IQSEC1: variants seen among roughly 807,000 people sequenced by gnomAD.
The protein encoded by IQSEC1 is IQ motif and SEC7 domain-containing protein 1.
Under a neutral mutation model 91.0 loss-of-function variants are expected in IQSEC1, and 31 were observed. That is an observed-to-expected ratio of 0.34 (90% CI 0.26 to 0.46). IQSEC1 has a LOEUF of 0.46. IQSEC1 is among the 20% of genes least tolerant of loss of function. The pLI is 1.00. For synonymous variants in IQSEC1, 699 were observed against 662.6 expected, an observed-to-expected ratio of 1.05 and a Z score of -0.84; for missense variants, 1,388 against 1,575.6, an observed-to-expected ratio of 0.88 and a Z score of 2.02.
intron 1 of IQSEC1, among the ~76,000 whole-genome samples, chr3:13,175,942 T>C (rs1693719829): frequency 6.6e-6 from 1 of 152,332 alleles, no homozygotes; most frequent in South Asian, 2.1e-4. Context: ...GGTAATTAGC[T>C]TGCAATTTAC....
chr3:13,244,856 G>A (rs1695081846), intron 1 of IQSEC1, among the ~76,000 whole-genome samples: 1 of 152,108 alleles, frequency 6.6e-6, no homozygotes, highest in South Asian at 2.1e-4. Flanking sequence ...CAGGCACCGT[G>A]GCACCAGCCA....
Position 13,252,109 on chromosome 3 carries a change from T to C in IQSEC1, c.272+30602A>G, listed in dbSNP as rs145906075. 5.9e-5 allele frequency among the ~76,000 whole-genome samples: 9 copies of C among 152,342 alleles called. No homozygotes were observed. The East Asian group carries it at 1.2e-3, about 20-fold the overall frequency. On this transcript the variant is annotated intron_variant, in intron 1 of 15. Coordinates refer to the IQSEC1 transcript ENST00000648114. ...CAGTTCAGTGGACTAAGTACATTCA[T>C]AGTGCTGTGCAGCCATCACTACCAT...
At chr3:12,955,907 T>TAGAG (rs200037823) in intron 1 of IQSEC1, among the ~76,000 whole-genome samples, 3,210 of 152,216 alleles carry the variant, frequency 0.021, 117 homozygotes, top group African/African-American at 0.074. Flanking sequence ...AGGTCTCCAA[T>TAGAG]AGAGACTGGC....
At chr3:13,275,740 C>T (rs1258531734) in intron 1 of IQSEC1, among the ~76,000 whole-genome samples, 4 of 152,356 alleles carry the variant, frequency 2.6e-5, no homozygotes, top group Non-Finnish European at 4.4e-5. Context: ...TCTCCATCTC[C>T]TATTTGCATG....
At chr3:13,011,842 C>T (rs1702896778) in intron 1 of IQSEC1, among the ~76,000 whole-genome samples, 1 of 152,192 alleles carries the variant, frequency 6.6e-6, no homozygotes, top group Non-Finnish European at 1.5e-5. Flanking sequence ...GTGACTTCCC[C>T]ATCTATCCCT....
intron 1 of IQSEC1, among the ~76,000 whole-genome samples, chr3:13,044,471 C>T (rs1704413157): frequency 6.6e-6 from 1 of 152,208 alleles, no homozygotes; most frequent in South Asian, 2.1e-4. Context: ...ATGGCTGGGT[C>T]CAAGCCTCTT....
intron 2 of IQSEC1, among the ~76,000 whole-genome samples, chr3:13,095,506 C>T (rs1305596594): frequency 6.6e-6 from 1 of 152,132 alleles, no homozygotes; most frequent in Non-Finnish European, 1.5e-5. Flanking sequence ...CTACTTAATG[C>T]ATACCCAGCG....
intron 1 of IQSEC1, among the ~76,000 whole-genome samples, chr3:13,276,829 C>T (rs1695691138): frequency 6.6e-6 from 1 of 152,162 alleles, no homozygotes; most frequent in Admixed American, 6.5e-5. Flanking sequence ...GGCCTTGCTA[C>T]CTCAGAGCTT....
intron 1 of IQSEC1, among the ~76,000 whole-genome samples, chr3:13,188,729 C>T (rs1261283192): frequency 6.6e-6 from 1 of 152,244 alleles, no homozygotes; most frequent in Non-Finnish European, 1.5e-5. Context: ...TCTTTCACCG[C>T]AGGCCTGGAG....
intron 1 of IQSEC1, among the ~76,000 whole-genome samples, chr3:13,203,611 C>A (rs1339089471): frequency 6.6e-6 from 1 of 152,152 alleles, no homozygotes; most frequent in Non-Finnish European, 1.5e-5. Context: ...AATCAGCAAA[C>A]CCCACCAGCA....
intron 1 of IQSEC1, among the ~76,000 whole-genome samples, chr3:12,996,007 C>G (rs142054971): frequency 1.1e-3 from 168 of 152,084 alleles, no homozygotes; most frequent in Non-Finnish European, 2.1e-3. Flanking sequence ...CAGCGAGACT[C>G]CATCTCAAAA....
At position 13,181,640 on chromosome 3, in the gene IQSEC1, C is replaced by G. The variant is rs562448188; in HGVS notation, c.273-17507G>C. ...AGACAGACTTGTAGACAGATCATTT[C>G]TCCTACAGCATGGCTGGTGCCATGA... On this transcript the variant is annotated intron_variant, in intron 1 of 15. Coordinates refer to the IQSEC1 transcript ENST00000648114. Among the ~76,000 whole-genome samples the G allele has an allele frequency of 2.0e-5, 3 of 152,336 alleles. No homozygotes were observed. In the South Asian group the frequency reaches 6.2e-4, roughly 32 times the overall value.
intron 1 of IQSEC1, among the ~76,000 whole-genome samples, chr3:13,174,904 T>G (rs1693697586): frequency 6.7e-6 from 1 of 148,682 alleles, no homozygotes; most frequent in Admixed American, 6.8e-5. Flanking sequence ...CCGGTGTTTC[T>G]CACACACAAG....
intron 9 of IQSEC1, 119 bp downstream of exon 9, chr3:12,913,309 A>G: frequency 8.9e-7 from 1 of 1,126,454 alleles, no homozygotes; most frequent in Non-Finnish European, 1.2e-6. Flanking sequence ...GACACCAGGC[A>G]AACCCTCCCT....
At chr3:12,953,282 G>C (rs951823694) in intron 1 of IQSEC1, among the ~76,000 whole-genome samples, 5 of 152,224 alleles carry the variant, frequency 3.3e-5, no homozygotes, top group Non-Finnish European at 7.3e-5. Context: ...TGCCGGGGCA[G>C]CCCGACCCGA....
At chr3:13,124,078 T>C (rs1439939063) in intron 2 of IQSEC1, among the ~76,000 whole-genome samples, 2 of 152,258 alleles carry the variant, frequency 1.3e-5, no homozygotes, top group African/African-American at 4.8e-5. Context: ...GGTGTGGGCC[T>C]GCACCCTGAG....
chr3:13,047,704 G>C (rs1206558097), intron 1 of IQSEC1, among the ~76,000 whole-genome samples: 1 of 151,964 alleles, frequency 6.6e-6, no homozygotes, highest in East Asian at 1.9e-4. Flanking sequence ...TCCCCCTGCT[G>C]GCTCAACTGA....
chr3:13,016,392 C>T (rs1167247134), intron 1 of IQSEC1, among the ~76,000 whole-genome samples: 3 of 152,238 alleles, frequency 2.0e-5, no homozygotes, highest in Non-Finnish European at 4.4e-5. Context: ...TCCCTGCCCC[C>T]AACGCCCCAC....
At chr3:13,200,897 G>A (rs1694231766) in intron 1 of IQSEC1, among the ~76,000 whole-genome samples, 1 of 152,170 alleles carries the variant, frequency 6.6e-6, no homozygotes, top group Non-Finnish European at 1.5e-5. Context: ...TGAGATCACA[G>A]GCATAGAAGG....
Sources: gnomAD v4.1 joint callset for allele counts (sites outside exome capture counted in the v4.1 genomes callset) on GRCh38, gnomAD v4.1.1 for gene constraint, MANE v1.5 for transcripts, NCBI Gene and HGNC (gene_info 2026-07-23, HGNC 2026-07-21) for gene names.